GRM1: variants seen among roughly 807,000 people sequenced by gnomAD.
The protein encoded by GRM1 is metabotropic glutamate receptor 1.
Under a neutral mutation model 90.9 loss-of-function variants are expected in GRM1, and 33 were observed. That is an observed-to-expected ratio of 0.36 (90% CI 0.28 to 0.49). The LOEUF is 0.49. Ranked by LOEUF, GRM1 falls within the 20% of genes least tolerant of loss-of-function variation. GRM1 has a pLI of 0.99. For synonymous variants in GRM1, 700 were observed against 613.2 expected (o/e 1.14, Z -2.09); for missense variants, 1,190 against 1,534.3 (o/e 0.78, Z 3.75).
intron 2 of GRM1, among the ~76,000 whole-genome samples, chr6:146,231,521 A>C (rs1780450569): frequency 6.6e-6 from 1 of 152,096 alleles, no homozygotes; most frequent in Non-Finnish European, 1.5e-5. Flanking sequence ...AATCAAATGG[A>C]AATGCAAGAA....
At chr6:146,368,284 A>G (rs1775773737) in intron 5 of GRM1, among the ~76,000 whole-genome samples, 1 of 141,596 alleles carries the variant, frequency 7.1e-6, no homozygotes, top group Admixed American at 7.0e-5. Context: ...GAATCTTTAG[A>G]TTTTTCTAAA....
chr6:146,052,770 C>T (rs956742190), intron 1 of GRM1, among the ~76,000 whole-genome samples: 1 of 151,982 alleles, frequency 6.6e-6, no homozygotes. Flanking sequence ...TATAACCCTT[C>T]CCCTTTCACT....
At chr6:146,379,016 C>A (rs1776216548) in intron 5 of GRM1, among the ~76,000 whole-genome samples, 1 of 152,104 alleles carries the variant, frequency 6.6e-6, no homozygotes, top group Non-Finnish European at 1.5e-5. Context: ...TGAGTCAAAC[C>A]TTTTTCCTTT....
chr6:146,153,606 T>G lies in GRM1; in HGVS notation c.701-5742T>G, dbSNP rs559309900. 5.3e-5 allele frequency among the ~76,000 whole-genome samples: 8 copies of G among 152,212 alleles called. No individual in the cohort carries two copies. The South Asian group carries it at 1.7e-3, about 32-fold the overall frequency. On this transcript the variant is annotated intron_variant, in intron 1 of 7. Coordinates refer to ENST00000282753, the MANE Select transcript of GRM1 (RefSeq NM_001278064.2). ...CAGATGAGAACACGTGGACATATGC[T>G]GGGGAACAGCACACACTAGGGCCTG... is the stretch of plus-strand genomic sequence containing the variant.
intron 1 of GRM1, among the ~76,000 whole-genome samples, chr6:146,084,996 T>C (rs1424857014): frequency 6.6e-6 from 1 of 152,188 alleles, no homozygotes; most frequent in Non-Finnish European, 1.5e-5. Context: ...TACTTACTTT[T>C]CTCTTACAGA....
intron 5 of GRM1, among the ~76,000 whole-genome samples, chr6:146,359,998 G>A (rs897118854): frequency 2.0e-5 from 3 of 152,042 alleles, no homozygotes; most frequent in African/African-American, 7.3e-5. Context: ...TGAAATTTGA[G>A]TCGTATTTAC....
chr6:146,164,957 C>T (rs888401831), intron 2 of GRM1, among the ~76,000 whole-genome samples: 1 of 151,134 alleles, frequency 6.6e-6, no homozygotes, highest in Non-Finnish European at 1.5e-5. Context: ...TCTTGCATTT[C>T]AATTGCTTGT....
At chr6:146,342,384 A>G (rs1785015382) in intron 3 of GRM1, among the ~76,000 whole-genome samples, 1 of 152,250 alleles carries the variant, frequency 6.6e-6, no homozygotes, top group South Asian at 2.1e-4. Context: ...TTTTGTACAC[A>G]CAAACATTTG....
intron 7 of GRM1, among the ~76,000 whole-genome samples, chr6:146,415,223 A>G (rs1050919789): frequency 6.6e-6 from 1 of 152,124 alleles, no homozygotes; most frequent in Admixed American, 6.5e-5. Context: ...CCTGGCAGAG[A>G]CATTGGAAAA....
intron 1 of GRM1, among the ~76,000 whole-genome samples, chr6:146,148,557 G>A (rs1777199443): frequency 6.6e-6 from 1 of 151,962 alleles, no homozygotes; most frequent in Non-Finnish European, 1.5e-5. Flanking sequence ...CCTATTGTTG[G>A]ACACAAATTG....
chr6:146,150,421 T>C (rs921296839), intron 1 of GRM1, among the ~76,000 whole-genome samples: 2 of 152,192 alleles, frequency 1.3e-5, no homozygotes, highest in Admixed American at 1.3e-4. Flanking sequence ...AAAAAAATTA[T>C]TTTTATTTTT....
intron 1 of GRM1, among the ~76,000 whole-genome samples, chr6:146,124,491 A>T (rs561420082): frequency 6.6e-6 from 1 of 152,154 alleles, no homozygotes. Context: ...AATGATCACT[A>T]CAATACATTA....
At chr6:146,235,702 G>A (rs1780620394) in intron 2 of GRM1, among the ~76,000 whole-genome samples, 1 of 57,090 alleles carries the variant, frequency 1.8e-5, no homozygotes, top group East Asian at 4.7e-4. Context: ...CTCTGTTACC[G>A]TGTGTGTGTG....
intron 2 of GRM1, among the ~76,000 whole-genome samples, chr6:146,210,279 A>G (rs548635081): frequency 1.3e-5 from 2 of 152,338 alleles, no homozygotes; most frequent in South Asian, 4.1e-4. Flanking sequence ...CTTGAACTGT[A>G]TATCCTCAGA....
intron 1 of GRM1, among the ~76,000 whole-genome samples, chr6:146,035,065 G>T (rs1790839910): frequency 1.3e-5 from 2 of 151,948 alleles, no homozygotes; most frequent in Admixed American, 6.6e-5. Context: ...AAAACCTGGA[G>T]AAAAGGGAAT....
Position 146,387,011 on chromosome 6 carries a change from T to C in GRM1, c.1724T>C (p.Leu575Pro). Residue 575 changes from leucine (L) to proline (P), a missense_variant, in exon 6 of 8, where the codon CTA becomes CCA. Transcript: ENST00000282753. ...CDLGWWPNAD[L>P]TGCEPIPVRY... Reference sequence around the variant, plus strand: ...TTGGGATGGTGGCCCAATGCAGATCTAACAGGTAGGAACTGCCTCACTTGG... The same window carrying C: ...TTGGGATGGTGGCCCAATGCAGATCCAACAGGTAGGAACTGCCTCACTTGG... 1 of 1,612,878 alleles carries C rather than the reference T, an allele frequency of 6.2e-7. No homozygotes were observed. Among genetic ancestry groups the C allele is most frequent in the Non-Finnish European group, 8.5e-7 (1 of 1,179,024 alleles).
chr6:146,422,735 G>A (rs1229093447), intron 7 of GRM1, among the ~76,000 whole-genome samples: 2 of 152,150 alleles, frequency 1.3e-5, no homozygotes, highest in Non-Finnish European at 2.9e-5. Flanking sequence ...AAGAATGGGT[G>A]ACCTGATGTA....
At chr6:146,316,266 C>T (rs1783962304) in intron 3 of GRM1, among the ~76,000 whole-genome samples, 2 of 152,174 alleles carry the variant, frequency 1.3e-5, no homozygotes, top group South Asian at 2.1e-4. Context: ...ACTTTTCTTC[C>T]TCAACCACAC....
chr6:146,123,857 CT>C (rs1280282811), intron 1 of GRM1, among the ~76,000 whole-genome samples: 2 of 152,156 alleles, frequency 1.3e-5, no homozygotes, highest in Non-Finnish European at 2.9e-5. Context: ...TGGATTCATC[CT>C]TATTTTTAAA....
Sources: gnomAD v4.1 joint callset for allele counts (sites outside exome capture counted in the v4.1 genomes callset) on GRCh38, gnomAD v4.1.1 for gene constraint, MANE v1.5 for transcripts, NCBI Gene and HGNC (gene_info 2026-07-23, HGNC 2026-07-21) for gene names.